Variants in ERCC4 observed in about 807,000 individuals in gnomAD.
The protein encoded by ERCC4 is DNA repair endonuclease XPF.
In ERCC4, 65 loss-of-function variants were observed where a neutral mutation model predicts 76.9. That is an observed-to-expected ratio of 0.84 (90% CI 0.69 to 1.04). The LOEUF (loss-of-function observed/expected upper bound fraction) is 1.04, where lower values mean the gene tolerates loss of function less well. ERCC4 is among the 50% of genes least tolerant of loss of function. The pLI, the probability that ERCC4 is intolerant of heterozygous loss-of-function variation, is 0.00. For missense variants in ERCC4, 1,214 were observed against 1,128.2 expected (o/e 1.08, Z -1.09); for synonymous variants, 463 against 410.1 (o/e 1.13, Z -1.56).
intron 7 of ERCC4, chr16:13,934,607 G>A (rs913147513): frequency 8.2e-6 from 3 of 367,088 alleles, no homozygotes; most frequent in Non-Finnish European, 5.1e-6. Context: ...TAAAGATTGA[G>A]CTAATCTCTA....
At chr16:13,941,470 T>C (rs187754458) in intron 9 of ERCC4, among the ~76,000 whole-genome samples, 1 of 152,206 alleles carries the variant, frequency 6.6e-6, no homozygotes, top group East Asian at 1.9e-4. Context: ...AAGAGAAAAA[T>C]TTAATATGAA....
chr16:13,931,112 TC>T, intron 5 of ERCC4: 1 of 544,024 alleles, frequency 1.8e-6, no homozygotes, highest in Non-Finnish European at 3.3e-6. Context: ...TCATATCCGT[TC>T]CGGGCAATTT....
chr16:13,935,752 T>C lies in ERCC4; in HGVS notation c.1811+9T>C. The C allele has an allele frequency of 1.3e-6, 2 of 1,587,282 alleles. No individual in the cohort carries two copies. The highest frequency in any genetic ancestry group is 1.7e-6 in the Non-Finnish European group (2 of 1,155,476). ...CCTGGGAAACCTCTGAGGCAAGTTA[T>C]AAAGAATCACAGCTTTCAGTTGCAC... On this transcript the variant is annotated intron_variant, in intron 8 of 10. Transcript: ENST00000311895.
chr16:13,932,201 C>G lies in ERCC4; in HGVS notation c.1018C>G (p.Arg340Gly). 1.2e-6 allele frequency: 2 copies of G among 1,612,736 alleles called. No homozygotes were observed. The highest frequency in any genetic ancestry group is 1.7e-4 in the Middle Eastern group (1 of 6,052). The change falls in exon 6 of 11, where the codon CGA becomes GGA. Residue 340 changes from arginine (R) to glycine (G), a missense_variant. By Grantham distance (125) the Arg-to-Gly change is moderately radical. Transcript: ENST00000311895. Reference protein sequence around the residue: ...DSSTSMFINARARVYHLPDAK... With the variant: ...DSSTSMFINAGARVYHLPDAK... ...CAGCACCTCGATGTTTATAAATGCT[C>G]GAGCAAGGGTTTATCATCTTCCAGA...
chr16:13,934,546 A>G (rs757538078), intron 7 of ERCC4: 3 of 469,108 alleles, frequency 6.4e-6, no homozygotes, highest in South Asian at 2.2e-5. Flanking sequence ...GAATCATTGT[A>G]TATTCATGAA....
chr16:13,934,512 G>A (rs966048982), intron 7 of ERCC4: 6 of 523,950 alleles, frequency 1.1e-5, no homozygotes, highest in Middle Eastern at 5.3e-4. Flanking sequence ...ATTTCTGTTC[G>A]TTTGATGTTG....
At chr16:13,943,499 A>G (rs2141615816) in intron 9 of ERCC4, among the ~76,000 whole-genome samples, 1 of 152,316 alleles carries the variant, frequency 6.6e-6, no homozygotes, top group East Asian at 1.9e-4. Context: ...TGAGAATAAC[A>G]TGGGGGAAAC....
rs2141620290 is a variant in ERCC4, at chr16:13,947,843, C to T, written c.2247C>T (p.Ser749=). Residue 749 remains serine, a synonymous_variant, in exon 11 of 11, where the codon TCC becomes TCT. Transcript: ENST00000311895. The part of the protein sequence containing the change: ...GRLYSQCISM[S]RYYKRPVLLI... ...TCTACAGCCAGTGCATCTCCATGTCCCGCTACTACAAGCGTCCCGTGCTTC... is the reference window on the plus strand; with the variant it reads ...TCTACAGCCAGTGCATCTCCATGTCTCGCTACTACAAGCGTCCCGTGCTTC... 1 of 1,614,192 alleles carries T rather than the reference C, an allele frequency of 6.2e-7. No individual in the cohort carries two copies. The highest frequency in any genetic ancestry group is 8.5e-7 in the Non-Finnish European group (1 of 1,180,034).
chr16:13,932,610 T>TA (rs1457999343), intron 6 of ERCC4: 4 of 412,846 alleles, frequency 9.7e-6, no homozygotes, highest in African/African-American at 6.2e-5. Flanking sequence ...AAGTAATTAT[T>TA]ATTTTTGAGT....
chr16:13,938,888 T>C (rs2032358162), intron 9 of ERCC4, among the ~76,000 whole-genome samples: 1 of 152,208 alleles, frequency 6.6e-6, no homozygotes, highest in Admixed American at 6.5e-5. Context: ...GGGTATTTGC[T>C]GAATCAGTGG....
At chr16:13,938,701 A>G (rs1381655513) in intron 9 of ERCC4, among the ~76,000 whole-genome samples, 1 of 152,228 alleles carries the variant, frequency 6.6e-6, no homozygotes, top group African/African-American at 2.4e-5. Flanking sequence ...AGCCTCAGAC[A>G]TTGGCAATGG....
chr16:13,939,450 G>A (rs1483536307), intron 9 of ERCC4, among the ~76,000 whole-genome samples: 2 of 152,144 alleles, frequency 1.3e-5, no homozygotes. Flanking sequence ...GGGTGTAATA[G>A]GAGAGTACAT....
Position 13,934,840 on chromosome 16 carries a change from A to G in ERCC4, c.1214-306A>G, listed in dbSNP as rs527470918. The stretch of plus-strand genomic sequence containing the variant: ...CCATTTGGAATTAATTTAGGCATAT[A>G]TGAGATCCTCTGGAAAAAAATATTA... On this transcript the variant is annotated intron_variant, in intron 7 of 10. Transcript: ENST00000311895. 134 of 305,778 alleles carry G rather than the reference A, an allele frequency of 4.4e-4. 1 individual carries two copies. The South Asian group carries it at 6.9e-3, about 16-fold the overall frequency. 18.9% of individuals were successfully genotyped at this position (305,778 alleles called of 1,614,324 possible). A position where few individuals can be genotyped will look rare whatever the true frequency, so the allele number is the denominator to read the frequency against.
chr16:13,941,217 C>T (rs967297369), intron 9 of ERCC4, among the ~76,000 whole-genome samples: 6 of 152,234 alleles, frequency 3.9e-5, no homozygotes, highest in Admixed American at 3.3e-4. Context: ...AATTTCTGCA[C>T]CAGGTTTTAA....
In ERCC4 at chr16:13,935,515, A is replaced by T. The variant is rs1350691039; in HGVS notation, c.1583A>T (p.Glu528Val). 1.2e-6 allele frequency: 2 copies of T among 1,614,204 alleles called. No homozygotes were observed. The highest frequency in any genetic ancestry group is 1.7e-6 in the Non-Finnish European group (2 of 1,180,024). ...AGTAGCCCAGAAAGCTGCCCGGAAG[A>T]AATTAAGCATGAAGAATTTGATGTA... ...ISSSPESCPE[E>V]IKHEEFDVNL... is the part of the protein sequence containing the mutation. Residue 528 changes from glutamate (E) to valine (V), a missense_variant, in exon 8 of 11, where the codon GAA becomes GTA. By Grantham distance (121) the Glu-to-Val change is moderately radical. Coordinates refer to ENST00000311895, the MANE Select transcript of ERCC4 (RefSeq NM_005236.3).
At chr16:13,922,691 G>A (rs914440526) in intron 2 of ERCC4, 2 of 409,928 alleles carry the variant, frequency 4.9e-6, no homozygotes, top group Non-Finnish European at 4.5e-6. Context: ...TTGGAGGCAC[G>A]GACCGGAGAG....
rs1295761423 is a variant in ERCC4, at chr16:13,950,180, CA to C, written c.*1836del. ...TTCACCATGTTGGCCAGGCTGGTCT[CA>C]AACTACTGACCTCAGGTGATCCACC... is the stretch of plus-strand genomic sequence containing the variant. On this transcript the variant is annotated 3_prime_UTR_variant, in exon 11 of 11. Transcript: ENST00000311895. The C allele has an allele frequency of 1.1e-5, 2 of 185,432 alleles. No individual in the cohort carries two copies. Among genetic ancestry groups the C allele is most frequent in the African/African-American group, 4.7e-5 (2 of 42,766 alleles). The allele number at this position is 185,432 out of a possible 1,614,324, so 11.5% of individuals were successfully genotyped here. A position where few individuals can be genotyped will look rare whatever the true frequency, so the allele number is the denominator to read the frequency against.
chr16:13,942,733 C>T (rs929180272), intron 9 of ERCC4, among the ~76,000 whole-genome samples: 1 of 152,132 alleles, frequency 6.6e-6, no homozygotes, highest in African/African-American at 2.4e-5. Context: ...GTACTCTAAC[C>T]CCCTAAGATT....
chr16:13,932,089 G>T lies in ERCC4; in HGVS notation c.974-68G>T. On this transcript the variant is annotated intron_variant, in intron 5 of 10. Transcript: ENST00000311895. ...AGCCAGTTACGTATGTAGGTCATGT[G>T]ACCATCAGAGACTGTTTTAAATTAA... The T allele has an allele frequency of 2.2e-6, 3 of 1,356,812 alleles. No individual in the cohort carries two copies. The South Asian group carries it at 3.5e-5, about 16-fold the overall frequency. The allele number at this position is 1,356,812 out of a possible 1,614,324, so 84.0% of individuals were successfully genotyped here. A position where few individuals can be genotyped will look rare whatever the true frequency, so the allele number is the denominator to read the frequency against.
Sources: allele counts gnomAD v4.1 joint callset (sites outside exome capture counted in the v4.1 genomes callset), GRCh38; gene constraint gnomAD v4.1.1; transcripts MANE v1.5; gene names NCBI Gene and HGNC (gene_info 2026-07-23, HGNC 2026-07-21).